CADM2: variants seen among roughly 807,000 people sequenced by gnomAD.
The protein encoded by CADM2 is cell adhesion molecule 2.
CADM2 carries 12 observed loss-of-function variants against 49.8 expected under a neutral mutation model. That is an observed-to-expected ratio of 0.24 (90% CI 0.15 to 0.39). CADM2 has a LOEUF of 0.39. Ranked by LOEUF, CADM2 falls within the 10% of genes least tolerant of loss-of-function variation. The pLI is 1.00. For synonymous variants in CADM2, 214 were observed against 175.4 expected (o/e 1.22, Z -1.74); for missense variants, 378 against 492.3 (o/e 0.77, Z 2.20).
chr3:85,107,703 CTT>C (rs60535953), intron 1 of CADM2, among the ~76,000 whole-genome samples: 54 of 95,170 alleles, frequency 5.7e-4, no homozygotes, highest in Non-Finnish European at 8.5e-4. Flanking sequence ...CTTTCTCTTT[CTT>C]TTTTTTTTTT....
At chr3:85,835,787 C>T (rs1310866985) in intron 3 of CADM2, among the ~76,000 whole-genome samples, 3 of 146,944 alleles carry the variant, frequency 2.0e-5, no homozygotes, top group Admixed American at 1.4e-4. Flanking sequence ...CCCTTGCTTG[C>T]AAAAAACAGA....
intron 8 of CADM2, among the ~76,000 whole-genome samples, chr3:85,967,414 C>T (rs1725611162): frequency 6.6e-6 from 1 of 151,288 alleles, no homozygotes; most frequent in African/African-American, 2.4e-5. Context: ...AGTACTTGAC[C>T]CTAAATTTAG....
At chr3:85,104,973 G>A (rs1189730781) in intron 1 of CADM2, among the ~76,000 whole-genome samples, 1 of 152,178 alleles carries the variant, frequency 6.6e-6, no homozygotes, top group Non-Finnish European at 1.5e-5. Context: ...ATTTTGGGGT[G>A]AGACGATGGG....
rs1337768628 is a variant in CADM2, at chr3:85,459,905, TG to T, written c.62-266616del. On this transcript the variant is annotated intron_variant, in intron 1 of 9. Coordinates refer to ENST00000383699, the MANE Select transcript of CADM2 (RefSeq NM_001167675.2). ...TTTATGTCCACCATACATGGCCCTT[TG>T]TTACTGCATTGTTTCATCTCTTTAT... Among the ~76,000 whole-genome samples the T allele has an allele frequency of 2.8e-5, 4 of 141,552 alleles. No homozygotes were observed. In the Admixed American group the frequency reaches 2.9e-4, roughly 10 times the overall value. The allele number at this position is 141,552 out of a possible 152,430, so 92.9% of individuals were successfully genotyped here.
chr3:85,380,170 G>A (rs2033820936), intron 1 of CADM2, among the ~76,000 whole-genome samples: 1 of 151,864 alleles, frequency 6.6e-6, no homozygotes, highest in South Asian at 2.1e-4. Flanking sequence ...CAAGTTAAGA[G>A]CATAAAATAT....
chr3:85,759,296 T>G (rs1222171401), intron 2 of CADM2, among the ~76,000 whole-genome samples: 1 of 152,110 alleles, frequency 6.6e-6, no homozygotes, highest in Admixed American at 6.6e-5. Context: ...TTTAAGCACT[T>G]AAATTTCAAG....
intron 1 of CADM2, among the ~76,000 whole-genome samples, chr3:85,621,187 A>G (rs1244723548): frequency 6.6e-6 from 1 of 152,132 alleles, no homozygotes; most frequent in African/African-American, 2.4e-5. Flanking sequence ...ATATATAACT[A>G]GTATTTTCCA....
intron 1 of CADM2, among the ~76,000 whole-genome samples, chr3:85,402,796 A>G (rs1426490041): frequency 6.6e-6 from 1 of 152,148 alleles, no homozygotes; most frequent in Non-Finnish European, 1.5e-5. Context: ...TGTCACCATG[A>G]ATTTTATAAA....
chr3:85,510,561 T>C (rs1405673704), intron 1 of CADM2, among the ~76,000 whole-genome samples: 1 of 152,072 alleles, frequency 6.6e-6, no homozygotes, highest in Non-Finnish European at 1.5e-5. Context: ...TTTAATTTTT[T>C]TAATTTTAAT....
intron 1 of CADM2, among the ~76,000 whole-genome samples, chr3:85,526,462 C>CAACAA: frequency 6.6e-6 from 1 of 152,042 alleles, no homozygotes; most frequent in East Asian, 1.9e-4. Context: ...AGTAGGTTTT[C>CAACAA]AACAAAACAA....
rs1470155392 is a variant in CADM2, at chr3:85,099,490, GAC to G, written c.61+139826_61+139827del. ...TTAAATTTTTTTTTTTTTTTTCTGA[GAC>G]ACAGTCTCACTCTGTTGCCCAGGCT... On this transcript the variant is annotated intron_variant, in intron 1 of 9. Transcript: ENST00000383699. 2.8e-5 allele frequency among the ~76,000 whole-genome samples: 4 copies of G among 140,848 alleles called. No individual in the cohort carries two copies. The Admixed American group carries it at 2.9e-4, about 10-fold the overall frequency. 92.4% of individuals were successfully genotyped at this position (140,848 alleles called of 152,430 possible). A position where few individuals can be genotyped will look rare whatever the true frequency, so the allele number is the denominator to read the frequency against.
intron 1 of CADM2, among the ~76,000 whole-genome samples, chr3:85,132,608 A>G: frequency 6.6e-6 from 1 of 151,142 alleles, no homozygotes. Context: ...TTAGTTTTGA[A>G]ATATAAACAA....
chr3:86,001,680 G>A (rs888460917), intron 8 of CADM2, among the ~76,000 whole-genome samples: 3 of 152,102 alleles, frequency 2.0e-5, no homozygotes, highest in African/African-American at 7.2e-5. Flanking sequence ...TTTGTTGCCA[G>A]ATAAAGGAAT....
chr3:85,643,676 T>C (rs1352458321), intron 1 of CADM2, among the ~76,000 whole-genome samples: 1 of 152,154 alleles, frequency 6.6e-6, no homozygotes, highest in Non-Finnish European at 1.5e-5. Context: ...TGACAATACT[T>C]TTTTTGGCAT....
intron 1 of CADM2, among the ~76,000 whole-genome samples, chr3:85,483,672 A>T (rs904828896): frequency 1.3e-5 from 2 of 150,222 alleles, no homozygotes; most frequent in African/African-American, 2.4e-5. Flanking sequence ...TTTGATATAT[A>T]TTTTAGGAAC....
intron 1 of CADM2, among the ~76,000 whole-genome samples, chr3:85,251,710 A>C (rs1350491274): frequency 6.6e-6 from 1 of 152,002 alleles, no homozygotes; most frequent in Non-Finnish European, 1.5e-5. Flanking sequence ...AGGGGAGTAT[A>C]TAGATCATCC....
At position 85,388,007 on chromosome 3, in the gene CADM2, G is replaced by A. The variant is rs371961432; in HGVS notation, c.62-338515G>A. Among the ~76,000 whole-genome samples the A allele has an allele frequency of 5.9e-5, 9 of 152,138 alleles. No individual in the cohort carries two copies. The East Asian group carries it at 1.3e-3, about 23-fold the overall frequency. On this transcript the variant is annotated intron_variant, in intron 1 of 9. Coordinates refer to ENST00000383699, the MANE Select transcript of CADM2 (RefSeq NM_001167675.2). Reference sequence around the variant, plus strand: ...CAGAATAGAATAGATTATTTTCTTAGAGACCCTGACATAAGTCCAATAATG... The same window carrying A: ...CAGAATAGAATAGATTATTTTCTTAAAGACCCTGACATAAGTCCAATAATG...
intron 1 of CADM2, among the ~76,000 whole-genome samples, chr3:85,307,458 A>G (rs1041989999): frequency 8.6e-5 from 13 of 151,934 alleles, no homozygotes; most frequent in Middle Eastern, 6.8e-3. Flanking sequence ...TTCTCATGCA[A>G]CAGTTCCTCT....
chr3:85,158,295 G>T (rs2040205211), intron 1 of CADM2, among the ~76,000 whole-genome samples: 1 of 152,148 alleles, frequency 6.6e-6, no homozygotes, highest in Admixed American at 6.5e-5. Context: ...ATTCCTCAGG[G>T]ATCTAGAACT....
Sources: allele counts gnomAD v4.1 joint callset (sites outside exome capture counted in the v4.1 genomes callset), GRCh38; gene constraint gnomAD v4.1.1; transcripts MANE v1.5; gene names NCBI Gene and HGNC (gene_info 2026-07-23, HGNC 2026-07-21).